KCNB2: variants seen among roughly 807,000 people sequenced by gnomAD.
The protein encoded by KCNB2 is delayed rectifier potassium channel protein.
A neutral mutation model predicts 61.5 loss-of-function variants in KCNB2; 15 were observed. The ratio of observed to expected loss-of-function variants is 0.24; its 90% CI spans 0.16 to 0.38. The LOEUF (loss-of-function observed/expected upper bound fraction) is 0.38. KCNB2 is among the 10% of genes least tolerant of loss of function. The pLI, the probability that KCNB2 is intolerant of heterozygous loss-of-function variation, is 1.00. For synonymous variants in KCNB2, 457 were observed against 446.0 expected (o/e 1.02, Z -0.31); for missense variants, 828 against 1,125.2 (o/e 0.74, Z 3.78).
chr8:72,625,961 A>G (rs770211099), intron 2 of KCNB2, among the ~76,000 whole-genome samples: 3 of 152,186 alleles, frequency 2.0e-5, no homozygotes, highest in Admixed American at 6.6e-5. Context: ...AAAAAAAGAT[A>G]CTGAAAAGCT....
At chr8:72,591,693 A>G (rs1383559920) in intron 2 of KCNB2, among the ~76,000 whole-genome samples, 1 of 152,178 alleles carries the variant, frequency 6.6e-6, no homozygotes, top group Non-Finnish European at 1.5e-5. Context: ...TCCTATACAT[A>G]ATAGAGAAAA....
At chr8:72,556,552 A>G (rs1251320831) in intron 1 of KCNB2, among the ~76,000 whole-genome samples, 1 of 152,196 alleles carries the variant, frequency 6.6e-6, no homozygotes, top group Non-Finnish European at 1.5e-5. Flanking sequence ...TCCCTTTTCT[A>G]TCTAATAATG....
chr8:72,583,948 C>CAAA (rs71566823), intron 2 of KCNB2, among the ~76,000 whole-genome samples: 2,037 of 100,680 alleles, frequency 0.02, 33 homozygotes, highest in African/African-American at 0.073. Flanking sequence ...AATAGAATAT[C>CAAA]AAAAAAAAAA....
intron 2 of KCNB2, among the ~76,000 whole-genome samples, chr8:72,660,073 C>T (rs1174856256): frequency 6.6e-6 from 1 of 152,136 alleles, no homozygotes; most frequent in Non-Finnish European, 1.5e-5. Flanking sequence ...TTATACCAAG[C>T]TTCAGTTGGA....
intron 2 of KCNB2, among the ~76,000 whole-genome samples, chr8:72,841,421 G>A (rs542988536): frequency 8.8e-6 from 1 of 114,076 alleles, no homozygotes; most frequent in South Asian, 2.7e-4. Flanking sequence ...TGCAGGCTCT[G>A]TTTTGGTTCC....
At chr8:72,617,673 T>C (rs1198147601) in intron 2 of KCNB2, among the ~76,000 whole-genome samples, 1 of 152,124 alleles carries the variant, frequency 6.6e-6, no homozygotes, top group Non-Finnish European at 1.5e-5. Context: ...CCTTAATTAT[T>C]CAGTCACTAT....
chr8:72,636,164 G>C (rs893682481), intron 2 of KCNB2, among the ~76,000 whole-genome samples: 1 of 152,194 alleles, frequency 6.6e-6, no homozygotes, highest in Admixed American at 6.5e-5. Context: ...ATAGATTTAG[G>C]TCTATCCCAG....
chr8:72,858,061 A>G (rs1165244782), intron 2 of KCNB2, among the ~76,000 whole-genome samples: 3 of 152,194 alleles, frequency 2.0e-5, no homozygotes, highest in Non-Finnish European at 4.4e-5. Context: ...TTATATTGGA[A>G]AAGTTGTTAA....
intron 2 of KCNB2, among the ~76,000 whole-genome samples, chr8:72,833,555 G>T (rs7018299): frequency 0.53 from 79,902 of 151,926 alleles, 21,656 homozygotes; most frequent in Admixed American, 0.59. Flanking sequence ...TCAAATGATA[G>T]GAATTATTTA....
intron 2 of KCNB2, among the ~76,000 whole-genome samples, chr8:72,918,056 A>G (rs1441416726): frequency 2.0e-5 from 3 of 152,194 alleles, no homozygotes; most frequent in Non-Finnish European, 4.4e-5. Flanking sequence ...ACAGGCAATT[A>G]TATTCTTATT....
In KCNB2 at chr8:72,748,462, C is replaced by T. The variant is rs1286946001; in HGVS notation, c.579+180149C>T. ...AATATTGAATTTTGTCATGATAAAT[C>T]TCATGCTATTTTTATTTCAAAGATC... is the stretch of plus-strand genomic sequence containing the variant. On this transcript the variant is annotated intron_variant, in intron 2 of 2. Coordinates refer to ENST00000523207, the MANE Select transcript of KCNB2 (RefSeq NM_004770.3). 2.0e-5 allele frequency among the ~76,000 whole-genome samples: 3 copies of T among 152,074 alleles called. No homozygotes were observed. In the East Asian group the frequency reaches 5.8e-4, roughly 29 times the overall value.
intron 2 of KCNB2, among the ~76,000 whole-genome samples, chr8:72,791,375 C>T (rs775238056): frequency 6.6e-6 from 1 of 152,016 alleles, no homozygotes; most frequent in Non-Finnish European, 1.5e-5. Context: ...TATAGCAAGA[C>T]CCTATCTCTA....
chr8:72,561,355 C>G (rs1806508067), intron 1 of KCNB2, among the ~76,000 whole-genome samples: 1 of 151,774 alleles, frequency 6.6e-6, no homozygotes, highest in African/African-American at 2.4e-5. Context: ...TGGGGTTTCA[C>G]CACTTTGGCC....
At chr8:72,545,548 C>T (rs1010268968) in intron 1 of KCNB2, among the ~76,000 whole-genome samples, 17 of 152,124 alleles carry the variant, frequency 1.1e-4, no homozygotes, top group Admixed American at 1.1e-3. Flanking sequence ...GTGTGGGTCC[C>T]AACTTCTCCA....
At chr8:72,839,060 A>G (rs1046444223) in intron 2 of KCNB2, among the ~76,000 whole-genome samples, 6 of 152,186 alleles carry the variant, frequency 3.9e-5, no homozygotes, top group Non-Finnish European at 5.9e-5. Context: ...TAATAATAGT[A>G]AAAATCACCC....
chr8:72,897,697 C>A (rs986941374), intron 2 of KCNB2, among the ~76,000 whole-genome samples: 1 of 152,140 alleles, frequency 6.6e-6, no homozygotes, highest in African/African-American at 2.4e-5. Flanking sequence ...CTGTTTCCAG[C>A]ATGCCCCCGC....
At chr8:72,694,383 C>A (rs910207714) in intron 2 of KCNB2, among the ~76,000 whole-genome samples, 1 of 152,104 alleles carries the variant, frequency 6.6e-6, no homozygotes, top group African/African-American at 2.4e-5. Context: ...GTTTATATAC[C>A]GTGTGCATTT....
chr8:72,773,963 G>T (rs1210102095), intron 2 of KCNB2, among the ~76,000 whole-genome samples: 1 of 152,144 alleles, frequency 6.6e-6, no homozygotes, highest in African/African-American at 2.4e-5. Context: ...TATCATTCAA[G>T]TCAAGTTATT....
intron 2 of KCNB2, among the ~76,000 whole-genome samples, chr8:72,907,220 G>A (rs1473610373): frequency 1.3e-5 from 2 of 152,106 alleles, no homozygotes. Flanking sequence ...AGCTGGGCAT[G>A]GTGGCACACG....
Sources: gnomAD v4.1 joint callset for allele counts (sites outside exome capture counted in the v4.1 genomes callset) on GRCh38, gnomAD v4.1.1 for gene constraint, MANE v1.5 for transcripts, NCBI Gene and HGNC (gene_info 2026-07-23, HGNC 2026-07-21) for gene names.